NCOA7: variants seen among roughly 807,000 people sequenced by gnomAD.
NCOA7 encodes the protein nuclear receptor coactivator 7, also known as 140 kDa estrogen receptor-associated protein.
In NCOA7, 45 loss-of-function variants were observed where a neutral mutation model predicts 104.3. That is an observed-to-expected ratio of 0.43 (90% CI 0.34 to 0.55). The LOEUF (loss-of-function observed/expected upper bound fraction) is 0.55. Among genes scored for constraint, NCOA7 ranks in the 20% least tolerant of loss-of-function variants. The probability of loss-of-function intolerance (pLI) is 0.02; values close to 1 mark genes in which losing one functional copy is unlikely to be tolerated. For synonymous variants in NCOA7, 398 were observed against 402.3 expected, an observed-to-expected ratio of 0.99 and a Z score of 0.13; for missense variants, 1,041 against 1,119.7, an observed-to-expected ratio of 0.93 and a Z score of 1.00.
Position 125,824,303 on chromosome 6 carries a change from A to T in NCOA7, c.50+8899A>T, listed in dbSNP as rs566145678. Among the ~76,000 whole-genome samples the T allele has an allele frequency of 3.9e-5, 6 of 152,244 alleles. No individual in the cohort carries two copies. In the East Asian group the frequency reaches 1.2e-3, roughly 29 times the overall value. ...CAAGAACAGTAAAGTCATCTCACAA[A>T]ACCCCCAGATGGAACTATTGTGGTG... On this transcript the variant is annotated intron_variant, in intron 2 of 15. Transcript: ENST00000392477.
intron 2 of NCOA7, among the ~76,000 whole-genome samples, chr6:125,843,312 C>T (rs567026168): frequency 6.6e-6 from 1 of 152,234 alleles, no homozygotes; most frequent in South Asian, 2.1e-4. Context: ...AAGAAAAGAA[C>T]CTCTAATGGG....
chr6:125,801,448 A>G (rs1426593585), intron 1 of NCOA7, among the ~76,000 whole-genome samples: 1 of 152,220 alleles, frequency 6.6e-6, no homozygotes, highest in East Asian at 1.9e-4. Context: ...TTTTTGGAGC[A>G]GTATCCTATT....
At chr6:125,928,134 A>C in intron 14 of NCOA7, 40 bp from the exon 15 acceptor site, 1 of 1,535,116 alleles carries the variant, frequency 6.5e-7, no homozygotes, top group Non-Finnish European at 9.0e-7. Flanking sequence ...AATTCTCCAG[A>C]TTAAAATGTC....
intron 11 of NCOA7, 111 bp from the exon 12 acceptor site, chr6:125,920,832 C>G: frequency 7.3e-7 from 1 of 1,374,632 alleles, no homozygotes; most frequent in Non-Finnish European, 9.8e-7. Flanking sequence ...TGATTTCCTG[C>G]TGCCGAAGCG....
intron 10 of NCOA7, among the ~76,000 whole-genome samples, chr6:125,915,064 G>A (rs897607182): frequency 3.3e-5 from 5 of 152,132 alleles, no homozygotes; most frequent in Non-Finnish European, 1.5e-5. Context: ...ATTTCATTGT[G>A]TTTTTCAGTT....
At chr6:125,919,551 A>C in intron 11 of NCOA7, 1 of 989,722 alleles carries the variant, frequency 1.0e-6, no homozygotes, top group Non-Finnish European at 1.5e-6. Flanking sequence ...TTCTACCAGC[A>C]GGTGTTTTAT....
At chr6:125,800,598 G>C (rs76062937) in intron 1 of NCOA7, among the ~76,000 whole-genome samples, 1,990 of 152,298 alleles carry the variant, frequency 0.013, 26 homozygotes, top group Non-Finnish European at 0.021. Context: ...TCTGTGTCCA[G>C]CCTAAACAAA....
At chr6:125,927,439 A>G (rs1788130607) in intron 13 of NCOA7, among the ~76,000 whole-genome samples, 1 of 152,208 alleles carries the variant, frequency 6.6e-6, no homozygotes, top group Non-Finnish European at 1.5e-5. Flanking sequence ...GCTTTGTCAG[A>G]TGAATTTTGC....
intron 2 of NCOA7, among the ~76,000 whole-genome samples, chr6:125,824,180 T>C (rs893292392): frequency 1.4e-4 from 21 of 152,272 alleles, no homozygotes; most frequent in Admixed American, 1.4e-3. Context: ...CACACTACAG[T>C]TTAATGGGTT....
chr6:125,895,570 C>T (rs1356047384), intron 10 of NCOA7, among the ~76,000 whole-genome samples: 1 of 152,170 alleles, frequency 6.6e-6, no homozygotes, highest in African/African-American at 2.4e-5. Flanking sequence ...TAAAGAAATA[C>T]CTGTGACTGG....
intron 2 of NCOA7, among the ~76,000 whole-genome samples, chr6:125,828,479 G>T (rs1460596719): frequency 5.3e-5 from 8 of 152,182 alleles, no homozygotes; most frequent in African/African-American, 1.9e-4. Context: ...TGGGAAATCG[G>T]CTGGGAAGGG....
rs577362158 is a variant in NCOA7 at position 125,896,871 on chromosome 6, G to A, written c.2096+6061G>A. ...TTTATTTGTTAAAAAGTATTCTAAA[G>A]TGCTGTTTCTCTAATTGGCTTCTAT... is the stretch of plus-strand genomic sequence containing the variant. On this transcript the variant is annotated intron_variant, in intron 10 of 15. Transcript: ENST00000392477. Among the ~76,000 whole-genome samples the A allele has an allele frequency of 1.6e-4, 24 of 152,308 alleles. No individual in the cohort carries two copies. The South Asian group carries it at 5.0e-3, about 32-fold the overall frequency.
chr6:125,860,650 G>C (rs1044977247), intron 3 of NCOA7, among the ~76,000 whole-genome samples: 2 of 152,072 alleles, frequency 1.3e-5, no homozygotes, highest in Non-Finnish European at 2.9e-5. Context: ...ACCCCGCCCG[G>C]ATCCTTTTAT....
chr6:125,885,082 A>G, intron 7 of NCOA7, 77 bp from the exon 8 acceptor site: 5 of 1,461,668 alleles, frequency 3.4e-6, no homozygotes, highest in Non-Finnish European at 4.7e-6. Context: ...TGGCCATCTG[A>G]GTTAATTAAA....
chr6:125,847,820 A>G (rs1252850121), intron 2 of NCOA7, among the ~76,000 whole-genome samples: 1 of 152,214 alleles, frequency 6.6e-6, no homozygotes, highest in Non-Finnish European at 1.5e-5. Context: ...TAATTAAACT[A>G]AAGAGCTTCT....
Position 125,929,306 on chromosome 6 carries a change from G to GT in NCOA7, c.*543dup, listed in dbSNP as rs151292352. 0.036 allele frequency: 5,489 copies of GT among 151,178 alleles called. 245 individuals are homozygous for GT. The highest frequency in any genetic ancestry group is 0.1 in the African/African-American group (4,215 of 41,094). 9.4% of individuals were successfully genotyped at this position (151,178 alleles called of 1,614,324 possible). On this transcript the variant is annotated 3_prime_UTR_variant, in exon 16 of 16. Transcript: ENST00000392477. Reference sequence around the variant, plus strand: ...GTATATTGTCTGAAATGTGTCGGCAGTTTTTTTTCTTTTAATGTGTCAAAT... The same window carrying GT: ...GTATATTGTCTGAAATGTGTCGGCAGTTTTTTTTTCTTTTAATGTGTCAAAT...
intron 3 of NCOA7, among the ~76,000 whole-genome samples, chr6:125,868,052 T>G (rs1469886933): frequency 1.3e-5 from 2 of 152,232 alleles, no homozygotes; most frequent in East Asian, 3.8e-4. Context: ...CAGAAGCATA[T>G]TTCTAGTGAA....
chr6:125,866,726 C>T lies in NCOA7; in HGVS notation c.272-8163C>T, dbSNP rs548859106. Among the ~76,000 whole-genome samples the T allele has an allele frequency of 1.1e-3, 175 of 152,304 alleles. 1 individual carries two copies. The highest frequency in any genetic ancestry group is 7.9e-3 in the South Asian group (38 of 4,826). ...TTTATGGGGAAATCCAGCCTCCTCT[C>T]ATTTATAATGGTGCTTTTATTTTCA... On this transcript the variant is annotated intron_variant, in intron 3 of 15. Coordinates refer to ENST00000392477, the MANE Select transcript of NCOA7 (RefSeq NM_181782.5).
At chr6:125,899,457 G>T (rs570838138) in intron 10 of NCOA7, among the ~76,000 whole-genome samples, 48 of 152,202 alleles carry the variant, frequency 3.2e-4, no homozygotes, top group African/African-American at 1.2e-3. Flanking sequence ...GTCCTACTCA[G>T]CCATACCAGG....
Sources: gnomAD v4.1 joint callset for allele counts (sites outside exome capture counted in the v4.1 genomes callset) on GRCh38, gnomAD v4.1.1 for gene constraint, MANE v1.5 for transcripts, NCBI Gene and HGNC (gene_info 2026-07-23, HGNC 2026-07-21) for gene names.